The following PPFIA1 variants were observed in gnomAD, a reference collection of about 807,000 sequenced individuals.
The protein encoded by PPFIA1 is PPFI scaffold protein A1.
PPFIA1 carries 25 observed loss-of-function variants against 149.9 expected under a neutral mutation model. That is an observed-to-expected ratio of 0.17 (90% confidence interval 0.12 to 0.23). The LOEUF (loss-of-function observed/expected upper bound fraction) is 0.23, where lower values mean the gene tolerates loss of function less well. Among genes scored for constraint, PPFIA1 ranks in the 10% least tolerant of loss-of-function variants. PPFIA1 has a pLI of 1.00. For synonymous variants in PPFIA1, 549 were observed against 552.8 expected, an observed-to-expected ratio of 0.99 and a Z score of 0.10; for missense variants, 1,362 against 1,506.5, an observed-to-expected ratio of 0.90 and a Z score of 1.59.
chr11:70,295,685 G>T (rs1565356998), intron 2 of PPFIA1, among the ~76,000 whole-genome samples: 1 of 147,104 alleles, frequency 6.8e-6, no homozygotes, highest in Non-Finnish European at 1.5e-5. Flanking sequence ...CGGGCCGGGG[G>T]CTGACCCCCC....
chr11:70,330,094 G>A, intron 7 of PPFIA1, 79 bp from the exon 8 acceptor site: 6 of 1,354,920 alleles, frequency 4.4e-6, no homozygotes, highest in Non-Finnish European at 6.1e-6. Flanking sequence ...ATTTACTTCA[G>A]TTTTTTTCTC....
intron 14 of PPFIA1, 27 bp downstream of exon 14, chr11:70,339,333 G>T: frequency 1.9e-6 from 3 of 1,598,014 alleles, no homozygotes; most frequent in Non-Finnish European, 1.7e-6. Flanking sequence ...AAATACCTCT[G>T]CTTACGTGAA....
chr11:70,373,366 G>A (rs12286453), intron 23 of PPFIA1: 1 of 152,208 alleles, frequency 6.6e-6, no homozygotes, highest in Non-Finnish European at 1.5e-5. Flanking sequence ...TAGCTCCTGG[G>A]AGTACAGGTG....
intron 2 of PPFIA1, among the ~76,000 whole-genome samples, chr11:70,278,404 A>ATTTTGTAGCAGCGAATTCATTGT (rs1251875619): frequency 1.3e-5 from 2 of 152,150 alleles, no homozygotes; most frequent in African/African-American, 4.8e-5. Flanking sequence ...TCCTTGCACC[A>ATTTTGTAGCAGCGAATTCATTGT]TTTTGTAGCA....
intron 2 of PPFIA1, among the ~76,000 whole-genome samples, chr11:70,285,273 A>T (rs2051031864): frequency 6.6e-6 from 1 of 151,990 alleles, no homozygotes; most frequent in South Asian, 2.1e-4. Context: ...TTTTTAAAAG[A>T]TCATGCTATG....
At chr11:70,278,086 T>C (rs1030537202) in intron 2 of PPFIA1, among the ~76,000 whole-genome samples, 6 of 151,992 alleles carry the variant, frequency 3.9e-5, no homozygotes, top group Non-Finnish European at 8.8e-5. Context: ...AATTTTTGTA[T>C]TTTTAGTAGA....
intron 26 of PPFIA1, chr11:70,378,589 G>C (rs2057582009): frequency 2.6e-6 from 1 of 389,798 alleles, no homozygotes; most frequent in African/African-American, 2.2e-5. Flanking sequence ...CCACACCAGA[G>C]AAAATAACTG....
chr11:70,282,947 C>T (rs1035321389), intron 2 of PPFIA1, among the ~76,000 whole-genome samples: 1 of 148,656 alleles, frequency 6.7e-6, no homozygotes, highest in Non-Finnish European at 1.5e-5. Context: ...TCAAGCGATT[C>T]TCTTGCCTCA....
At chr11:70,305,361 C>G (rs750454968) in intron 2 of PPFIA1, among the ~76,000 whole-genome samples, 1 of 152,020 alleles carries the variant, frequency 6.6e-6, no homozygotes, top group African/African-American at 2.4e-5. Context: ...ACCAACCCAC[C>G]GACTCATCTG....
chr11:70,360,997 T>C lies in PPFIA1; in HGVS notation c.2583-1098T>C, dbSNP rs143442638. 1.2e-3 allele frequency among the ~76,000 whole-genome samples: 182 copies of C among 152,332 alleles called. 1 individual carries two copies. Among genetic ancestry groups the C allele is most frequent in the African/African-American group, 4.0e-3 (167 of 41,574 alleles). On this transcript the variant is annotated intron_variant, in intron 19 of 27. Coordinates refer to ENST00000253925, the MANE Select transcript of PPFIA1 (RefSeq NM_003626.5). Reference sequence around the variant, plus strand: ...GTAGGTAAACACTTGAGAAATAAGATGAGATTCACCAAGCTTATAGTGTTA... The same window carrying C: ...GTAGGTAAACACTTGAGAAATAAGACGAGATTCACCAAGCTTATAGTGTTA...
chr11:70,318,352 T>TGCACCCC (rs2053753676), intron 2 of PPFIA1, among the ~76,000 whole-genome samples: 1 of 152,220 alleles, frequency 6.6e-6, no homozygotes, highest in South Asian at 2.1e-4. Flanking sequence ...CCTCTGGATC[T>TGCACCCC]GCACCCCGCA....
chr11:70,345,779 A>G (rs2055655474), intron 15 of PPFIA1: 2 of 206,870 alleles, frequency 9.7e-6, no homozygotes, highest in Admixed American at 5.3e-5. Context: ...GCGAGCTGTG[A>G]TCATGCTGCT....
At chr11:70,330,462 G>C in intron 8 of PPFIA1, 143 bp downstream of exon 8, 1 of 653,492 alleles carries the variant, frequency 1.5e-6, no homozygotes, top group Non-Finnish European at 2.3e-6. Flanking sequence ...AGACATGTGG[G>C]AGTTCCTTCA....
intron 2 of PPFIA1, among the ~76,000 whole-genome samples, chr11:70,285,415 G>A (rs993983262): frequency 2.0e-5 from 3 of 152,096 alleles, no homozygotes; most frequent in South Asian, 4.1e-4. Context: ...AACTCTTGCC[G>A]GGTGCGGTGG....
chr11:70,315,247 G>A (rs1331933164), intron 2 of PPFIA1, among the ~76,000 whole-genome samples: 2 of 152,134 alleles, frequency 1.3e-5, no homozygotes, highest in African/African-American at 2.4e-5. Context: ...AGTCACAGTG[G>A]CTTTGAACAT....
chr11:70,277,045 T>TAC (rs2050430433), intron 2 of PPFIA1, among the ~76,000 whole-genome samples: 1 of 25,296 alleles, frequency 4.0e-5, no homozygotes, highest in East Asian at 8.9e-4. Flanking sequence ...GAGATATATA[T>TAC]ATATATATAT....
chr11:70,305,324 A>G (rs1456714244), intron 2 of PPFIA1, among the ~76,000 whole-genome samples: 2 of 152,208 alleles, frequency 1.3e-5, no homozygotes, highest in African/African-American at 4.8e-5. Flanking sequence ...GTAACTTAGC[A>G]TGCAACTAGA....
chr11:70,381,643 C>G (rs112956269), intron 26 of PPFIA1, among the ~76,000 whole-genome samples: 1 of 152,190 alleles, frequency 6.6e-6, no homozygotes, highest in Non-Finnish European at 1.5e-5. Context: ...CGTCGTTGGC[C>G]TCTGCGCTCA....
Position 70,325,575 on chromosome 11 carries a change from G to A in PPFIA1, c.606+1G>A. The stretch of plus-strand genomic sequence containing the variant: ...GGAATTAGGTGCCACACACAAAGAG[G>A]TAAGCTTGAGACTTCATCATGAGTT... On this transcript the variant is annotated splice_donor_variant, in intron 5 of 27. Coordinates refer to ENST00000253925, the MANE Select transcript of PPFIA1 (RefSeq NM_003626.5). LOFTEE classifies it high-confidence loss of function. 2 of 1,548,084 alleles carry A rather than the reference G, an allele frequency of 1.3e-6. No homozygotes were observed. The highest frequency in any genetic ancestry group is 1.8e-6 in the Non-Finnish European group (2 of 1,120,878).
Sources: gnomAD v4.1 joint callset for allele counts (sites outside exome capture counted in the v4.1 genomes callset) on GRCh38, gnomAD v4.1.1 for gene constraint, MANE v1.5 for transcripts, NCBI Gene and HGNC (gene_info 2026-07-23, HGNC 2026-07-21) for gene names.